Variants in NPAS3 observed in about 807,000 individuals in gnomAD.
NPAS3 encodes neuronal PAS domain-containing protein 3.
In NPAS3, 14 loss-of-function variants were observed where a neutral mutation model predicts 73.1. The observed-to-expected ratio is 0.19, with a 90% CI of 0.13 to 0.30. The LOEUF is 0.30. Among genes scored for constraint, NPAS3 ranks in the 10% least tolerant of loss-of-function variants. The pLI, the probability that NPAS3 is intolerant of heterozygous loss-of-function variation, is 1.00. For synonymous variants in NPAS3, 620 were observed against 541.5 expected (o/e 1.14, Z -2.01); for missense variants, 1,096 against 1,250.0 (o/e 0.88, Z 1.86).
At chr14:33,717,372 T>C (rs1035353443) in intron 6 of NPAS3, among the ~76,000 whole-genome samples, 4 of 152,044 alleles carry the variant, frequency 2.6e-5, no homozygotes, top group Admixed American at 6.6e-5. Flanking sequence ...ACTCTAATTA[T>C]TGATGTTCAA....
rs150699494 is a variant in NPAS3 at position 33,481,759 on chromosome 14, C to A, written c.469-78362C>A. On this transcript the variant is annotated intron_variant, in intron 4 of 11. Transcript: ENST00000356141. ...AACGCATAAAAGAATTTCACCAGGACGTGTGTTTCAGTTATAAAAAAATCA... is the reference window on the plus strand; with the variant it reads ...AACGCATAAAAGAATTTCACCAGGAAGTGTGTTTCAGTTATAAAAAAATCA... Among the ~76,000 whole-genome samples, 422 of 151,568 alleles carry A rather than the reference C, an allele frequency of 2.8e-3. 3 individuals are homozygous for A. The highest frequency in any genetic ancestry group is 9.7e-3 in the African/African-American group (399 of 41,266).
intron 4 of NPAS3, among the ~76,000 whole-genome samples, chr14:33,531,140 A>G (rs1394652863): frequency 6.6e-6 from 1 of 152,084 alleles, no homozygotes; most frequent in Non-Finnish European, 1.5e-5. Flanking sequence ...GGACCATTAT[A>G]TAGGTACCAG....
chr14:33,274,827 G>C (rs375682801), intron 3 of NPAS3, among the ~76,000 whole-genome samples: 6 of 152,206 alleles, frequency 3.9e-5, no homozygotes, highest in East Asian at 1.9e-4. Context: ...CTCCCCGTAA[G>C]GAAATAGATG....
At position 33,263,531 on chromosome 14, in the gene NPAS3, T is replaced by C. The variant is rs558565767; in HGVS notation, c.385+48105T>C. On this transcript the variant is annotated intron_variant, in intron 3 of 11. Coordinates refer to ENST00000356141, the Ensembl canonical transcript of NPAS3. ...TGTTTTGGTTACTGTAGCCTTGTAG[T>C]ATAGTTTGAAGTCAGGTAGCGTGAT... 3.3e-5 allele frequency among the ~76,000 whole-genome samples: 5 copies of C among 152,286 alleles called. No homozygotes were observed. The East Asian group carries it at 9.7e-4, about 29-fold the overall frequency.
chr14:33,323,376 T>G (rs543868660), intron 3 of NPAS3, among the ~76,000 whole-genome samples: 1 of 152,350 alleles, frequency 6.6e-6, no homozygotes, highest in South Asian at 2.1e-4. Flanking sequence ...TAATGGTTGT[T>G]GACTATTAAG....
chr14:33,068,358 C>T (rs1259253749), intron 2 of NPAS3, among the ~76,000 whole-genome samples: 2 of 152,172 alleles, frequency 1.3e-5, no homozygotes, highest in Non-Finnish European at 2.9e-5. Flanking sequence ...TTGTTAGGCA[C>T]AACACATGCA....
intron 5 of NPAS3, among the ~76,000 whole-genome samples, chr14:33,660,328 T>C (rs2059270576): frequency 6.6e-6 from 1 of 152,196 alleles, no homozygotes; most frequent in Non-Finnish European, 1.5e-5. Context: ...CCAGCTTTTA[T>C]TTCTCATAAC....
chr14:33,722,048 CA>C (rs1402291829), intron 6 of NPAS3, among the ~76,000 whole-genome samples: 2 of 152,170 alleles, frequency 1.3e-5, no homozygotes, highest in Admixed American at 1.3e-4. Context: ...ATGACAAATG[CA>C]GTGGGAGCAT....
chr14:33,016,293 GTCTCTGTAGCA>G (rs1323697159), intron 1 of NPAS3, among the ~76,000 whole-genome samples: 1 of 152,148 alleles, frequency 6.6e-6, no homozygotes, highest in Non-Finnish European at 1.5e-5. Flanking sequence ...CAGAGCCAGT[GTCTCTGTAGCA>G]CTTGGCCCAT....
chr14:33,800,536 C>T lies in NPAS3; in HGVS notation c.2229C>T (p.Ala743=). Residue 743 remains alanine (A), a synonymous_variant, in exon 12 of 12, where the codon GCC becomes GCT. Coordinates refer to ENST00000356141, the Ensembl canonical transcript of NPAS3. The surrounding 1 kb of genome is among the most constrained non-coding windows in gnomAD (Gnocchi z 6.5). Reference sequence around the variant, plus strand: ...CCACCGCGGCCCTGGCCCCCGTCGCCTCCGACCCGCTGTCACCCCCGCTCT... The same window carrying T: ...CCACCGCGGCCCTGGCCCCCGTCGCTTCCGACCCGCTGTCACCCCCGCTCT... The T allele has an allele frequency of 7.3e-7, 1 of 1,367,318 alleles. No homozygotes were observed. The highest frequency in any genetic ancestry group is 1.8e-5 in the South Asian group (1 of 54,588). The allele number at this position is 1,367,318 out of a possible 1,614,324, so 84.7% of individuals were successfully genotyped here. A position where few individuals can be genotyped will look rare whatever the true frequency, so the allele number is the denominator to read the frequency against.
At chr14:33,109,608 G>C (rs1453186299) in intron 2 of NPAS3, among the ~76,000 whole-genome samples, 3 of 151,918 alleles carry the variant, frequency 2.0e-5, no homozygotes, top group Non-Finnish European at 2.9e-5. Flanking sequence ...ATTCAGTCCT[G>C]CATGTTTGTT....
Position 33,272,486 on chromosome 14 carries a change from G to A in NPAS3, c.385+57060G>A, listed in dbSNP as rs559992024. ...GGCTGGAGTGTAGTAGCATGATCTC[G>A]GCTCACTGCAACCTCTGCCTCCCAG... On this transcript the variant is annotated intron_variant, in intron 3 of 11. Coordinates refer to ENST00000356141, the Ensembl canonical transcript of NPAS3. Among the ~76,000 whole-genome samples the A allele has an allele frequency of 2.0e-3, 306 of 152,148 alleles. 1 individual carries two copies. Among genetic ancestry groups the A allele is most frequent in the Admixed American group, 5.1e-3 (78 of 15,278 alleles).
chr14:33,112,245 A>G (rs1012796725), intron 2 of NPAS3, among the ~76,000 whole-genome samples: 4 of 152,220 alleles, frequency 2.6e-5, no homozygotes, highest in Admixed American at 2.6e-4. Flanking sequence ...GAATTGCCAC[A>G]CTGACTTCCA....
upstream of NPAS3, chr14:32,939,311 A>C (rs767595651): frequency 1.5e-6 from 1 of 682,488 alleles, no homozygotes; most frequent in East Asian, 4.0e-5. Flanking sequence ...AAAAAATAGC[A>C]GGAAGATGGC....
chr14:33,475,635 C>T (rs1052564666), intron 4 of NPAS3, among the ~76,000 whole-genome samples: 1 of 151,730 alleles, frequency 6.6e-6, no homozygotes, highest in South Asian at 2.1e-4. Context: ...TTATACACTC[C>T]TGGTTTCCAT....
chr14:33,260,516 A>G (rs1345628007), intron 3 of NPAS3, among the ~76,000 whole-genome samples: 1 of 152,170 alleles, frequency 6.6e-6, no homozygotes, highest in Non-Finnish European at 1.5e-5. Flanking sequence ...TCTTCCAAGT[A>G]GATTGCCTCT....
At chr14:33,728,635 G>A (rs749398848) in intron 6 of NPAS3, among the ~76,000 whole-genome samples, 53 of 152,132 alleles carry the variant, frequency 3.5e-4, no homozygotes, top group Non-Finnish European at 6.3e-4. Flanking sequence ...AGTAGTCAAG[G>A]ATCACACTCT....
At chr14:33,373,755 A>G (rs2046197774) in intron 4 of NPAS3, among the ~76,000 whole-genome samples, 1 of 152,136 alleles carries the variant, frequency 6.6e-6, no homozygotes, top group Admixed American at 6.5e-5. Flanking sequence ...CTGGCCACAA[A>G]TGAATTTTTA....
At chr14:33,741,337 C>G (rs1467674759) in intron 7 of NPAS3, among the ~76,000 whole-genome samples, 2 of 152,140 alleles carry the variant, frequency 1.3e-5, no homozygotes, top group East Asian at 3.8e-4. Flanking sequence ...AAAATTCTGT[C>G]AACCCATTCA....
Sources: gnomAD v4.1 joint callset for allele counts (sites outside exome capture counted in the v4.1 genomes callset) on GRCh38, gnomAD v4.1.1 for gene constraint, Gnocchi (gnomAD v3.1) non-coding constraint, MANE v1.5 for transcripts, NCBI Gene and HGNC (gene_info 2026-07-23, HGNC 2026-07-21) for gene names.